Variants in LRIG1 observed in about 807,000 individuals in gnomAD.
The protein encoded by LRIG1 is leucine rich repeats and immunoglobulin like domains 1, also known as leucine-rich repeats and immunoglobulin-like domains protein 1.
In LRIG1, 48 loss-of-function variants were observed where a neutral mutation model predicts 99.2. The ratio of observed to expected loss-of-function variants is 0.48; its 90% CI spans 0.38 to 0.62. The LOEUF (loss-of-function observed/expected upper bound fraction) is 0.62. LRIG1 is among the 20% of genes least tolerant of loss of function. The pLI is 0.00. For missense variants in LRIG1, 1,646 were observed against 1,434.4 expected (o/e 1.15, Z -2.38); for synonymous variants, 772 against 596.1 (o/e 1.29, Z -4.30).
chr3:66,498,738 G>A (rs1210370014), intron 1 of LRIG1, among the ~76,000 whole-genome samples: 3 of 152,134 alleles, frequency 2.0e-5, no homozygotes, highest in South Asian at 2.1e-4. Context: ...AGAAGAAGTA[G>A]ATATTGAAAA....
intron 1 of LRIG1, among the ~76,000 whole-genome samples, chr3:66,466,510 G>A (rs965135463): frequency 6.6e-6 from 1 of 152,002 alleles, no homozygotes; most frequent in African/African-American, 2.4e-5. Flanking sequence ...AAATTACTTA[G>A]TTTTTTCAAG....
chr3:66,497,899 T>C (rs1559830017), intron 1 of LRIG1, among the ~76,000 whole-genome samples: 1 of 152,092 alleles, frequency 6.6e-6, no homozygotes, highest in Non-Finnish European at 1.5e-5. Flanking sequence ...TTTCATTATA[T>C]CATATACAGA....
intron 12 of LRIG1, chr3:66,387,758 T>C (rs752350158): frequency 6.6e-5 from 10 of 151,930 alleles, no homozygotes; most frequent in Non-Finnish European, 1.0e-4. Flanking sequence ...TCGGCAATTA[T>C]AGGCATATTC....
In LRIG1 at chr3:66,380,343, C is replaced by A; in HGVS notation, c.3202G>T (p.Ala1068Ser). Residue 1068 changes from alanine to serine, a missense_variant, in exon 19 of 19, where the codon GCC (alanine) becomes TCC (serine). Coordinates refer to ENST00000273261, the MANE Select transcript of LRIG1 (RefSeq NM_015541.3). ...SNGHLPKACD[A>S]SPESTPLTGQ... The stretch of plus-strand genomic sequence containing the variant: ...GTCAGTGGCGTGGACTCGGGACTGG[C>A]GTCACATGCTTTGGGGAGGTGGCCA... 1 of 1,614,144 alleles carries A rather than the reference C, an allele frequency of 6.2e-7. No homozygotes were observed. The highest frequency in any genetic ancestry group is 8.5e-7 in the Non-Finnish European group (1 of 1,180,046).
At chr3:66,425,356 C>T (rs1346751876) in intron 3 of LRIG1, among the ~76,000 whole-genome samples, 4 of 152,210 alleles carry the variant, frequency 2.6e-5, no homozygotes, top group Non-Finnish European at 4.4e-5. Context: ...TACAAGCTTC[C>T]CAGAGTCCTG....
Position 66,383,461 on chromosome 3 carries a change from C to T in LRIG1, c.2072-60G>A, listed in dbSNP as rs528582867. ...AGGGCCTCCGTTGCTCTGGCTCTGC[C>T]CGGTCTTCTGGACAACGGACAATCC... On this transcript the variant is annotated intron_variant, in intron 14 of 18. Transcript: ENST00000273261. The T allele has an allele frequency of 7.0e-5, 100 of 1,427,396 alleles. 1 individual carries two copies. The South Asian group carries it at 9.3e-4, about 13-fold the overall frequency. The allele number at this position is 1,427,396 out of a possible 1,614,324, so 88.4% of individuals were successfully genotyped here.
chr3:66,412,228 G>C (rs1702489660), intron 6 of LRIG1, among the ~76,000 whole-genome samples: 2 of 152,140 alleles, frequency 1.3e-5, no homozygotes, highest in South Asian at 4.1e-4. Context: ...AACCTCCTAA[G>C]ATGAGCTCTA....
intron 3 of LRIG1, among the ~76,000 whole-genome samples, chr3:66,428,086 C>T (rs963436648): frequency 1.3e-5 from 2 of 152,202 alleles, no homozygotes; most frequent in Non-Finnish European, 1.5e-5. Flanking sequence ...AAAATCACAG[C>T]TATGAACACG....
chr3:66,411,749 C>A (rs754240374), intron 6 of LRIG1, among the ~76,000 whole-genome samples: 3 of 152,066 alleles, frequency 2.0e-5, no homozygotes. Flanking sequence ...GAAGAAGGGG[C>A]GGACATGAGC....
At chr3:66,465,600 A>C (rs1700456375) in intron 1 of LRIG1, among the ~76,000 whole-genome samples, 1 of 152,038 alleles carries the variant, frequency 6.6e-6, no homozygotes, top group Admixed American at 6.6e-5. Flanking sequence ...TCCTGACCTC[A>C]GGTGATCCAC....
chr3:66,386,111 CCCGT>C lies in LRIG1; in HGVS notation c.1655_1658del (p.Asp552GlyfsTer3). 1 of 1,614,210 alleles carries C rather than the reference CCCGT, an allele frequency of 6.2e-7. No individual in the cohort carries two copies. The highest frequency in any genetic ancestry group is 8.5e-7 in the Non-Finnish European group (1 of 1,180,040). On this transcript the variant is annotated frameshift_variant, in exon 13 of 19. Coordinates refer to ENST00000273261, the MANE Select transcript of LRIG1 (RefSeq NM_015541.3). LOFTEE classifies it high-confidence loss of function. ...GGATGGTGGTGTACTCCATCACTTC[CCCGT>C]CCTGCGCGTGGACGTGGACAAAGTT... is the stretch of plus-strand genomic sequence containing the variant.
intron 9 of LRIG1, chr3:66,401,677 A>T (rs772956840): frequency 6.5e-7 from 1 of 1,527,814 alleles, no homozygotes; most frequent in South Asian, 1.2e-5. Flanking sequence ...GCTCTAATAA[A>T]AGGCTGCTGC....
At chr3:66,471,011 TAAG>T (rs752061237) in intron 1 of LRIG1, among the ~76,000 whole-genome samples, 1 of 152,162 alleles carries the variant, frequency 6.6e-6, no homozygotes, top group Non-Finnish European at 1.5e-5. Context: ...TTAATTTAAT[TAAG>T]AAGAGGCGCT....
At chr3:66,405,796 C>T (rs1348761514) in intron 8 of LRIG1, 1 of 1,184,298 alleles carries the variant, frequency 8.4e-7, no homozygotes, top group Non-Finnish European at 1.1e-6. Context: ...CTCCCAAGGC[C>T]TGCAGGGCGC....
chr3:66,416,838 G>A (rs1303552811), intron 4 of LRIG1, among the ~76,000 whole-genome samples: 1 of 152,266 alleles, frequency 6.6e-6, no homozygotes, highest in East Asian at 1.9e-4. Flanking sequence ...GGTCAAGATC[G>A]ATCTGTTCTT....
intron 9 of LRIG1, among the ~76,000 whole-genome samples, chr3:66,401,837 C>CA (rs1404187447): frequency 1.3e-5 from 2 of 152,200 alleles, no homozygotes; most frequent in East Asian, 3.9e-4. Flanking sequence ...TCAAACCTCC[C>CA]ATCCATCTCC....
At chr3:66,404,780 A>C (rs2106639999) in intron 9 of LRIG1, among the ~76,000 whole-genome samples, 1 of 152,312 alleles carries the variant, frequency 6.6e-6, no homozygotes, top group East Asian at 1.9e-4. Context: ...GTTATTTGAG[A>C]TGATGGTTAA....
intron 1 of LRIG1, among the ~76,000 whole-genome samples, chr3:66,464,094 G>T (rs1289133129): frequency 1.3e-5 from 2 of 152,126 alleles, no homozygotes; most frequent in African/African-American, 4.8e-5. Flanking sequence ...GAAATTGAGA[G>T]AATTCTCCCA....
In LRIG1 at chr3:66,405,188, G is replaced by A. The variant is rs201077816; in HGVS notation, c.1160+10C>T. On this transcript the variant is annotated intron_variant, in intron 9 of 18. Transcript: ENST00000273261. ...ATTTGCCGGCGGAGCTCCGTGCGGC[G>A]GATACTCACAGCTTGCTGAGGCTGT... 1.9e-5 allele frequency: 30 copies of A among 1,613,414 alleles called. No homozygotes were observed. Among genetic ancestry groups the A allele is most frequent in the East Asian group, 2.2e-5 (1 of 44,872 alleles).
Sources: allele counts gnomAD v4.1 joint callset (sites outside exome capture counted in the v4.1 genomes callset), GRCh38; gene constraint gnomAD v4.1.1; transcripts MANE v1.5; gene names NCBI Gene and HGNC (gene_info 2026-07-23, HGNC 2026-07-21).